The following NAA25 variants were observed in gnomAD, a reference collection of about 807,000 sequenced individuals.
NAA25 encodes N-terminal acetyltransferase B complex subunit NAA25.
In NAA25, 30 loss-of-function variants were observed where a neutral mutation model predicts 132.5. The observed-to-expected ratio is 0.23, with a 90% CI of 0.17 to 0.31. NAA25 has a LOEUF of 0.31. NAA25 is among the 10% of genes least tolerant of loss of function. The pLI is 1.00. For missense variants in NAA25, 771 were observed against 1,150.4 expected, an observed-to-expected ratio of 0.67 and a Z score of 4.77; for synonymous variants, 359 against 401.9, an observed-to-expected ratio of 0.89 and a Z score of 1.28.
intron 15 of NAA25, among the ~76,000 whole-genome samples, chr12:112,050,701 G>C (rs2078452656): frequency 6.6e-6 from 1 of 151,974 alleles, no homozygotes; most frequent in Admixed American, 6.5e-5. Flanking sequence ...GTATAAAATA[G>C]AGATTTTAAA....
chr12:112,046,917 C>G (rs1048868491), intron 17 of NAA25, among the ~76,000 whole-genome samples: 1 of 152,118 alleles, frequency 6.6e-6, no homozygotes, highest in African/African-American at 2.4e-5. Context: ...GAAGTTAAAT[C>G]CTTTATGTTT....
At chr12:112,044,058 G>T (rs2078339528) in intron 17 of NAA25, among the ~76,000 whole-genome samples, 190 bp from the exon 18 acceptor site, 1 of 151,500 alleles carries the variant, frequency 6.6e-6, no homozygotes, top group Non-Finnish European at 1.5e-5. Flanking sequence ...CTCCCAAGTA[G>T]CTGGGCCTAC....
intron 11 of NAA25, among the ~76,000 whole-genome samples, chr12:112,063,159 G>C (rs2078662948): frequency 6.6e-6 from 1 of 151,878 alleles, no homozygotes; most frequent in Admixed American, 6.6e-5. Context: ...TGGTTAAGTA[G>C]TAACTTACGT....
Position 112,079,513 on chromosome 12 carries a change from T to C in NAA25, c.478-772A>G, listed in dbSNP as rs572675331. ...GGGAGGCTGAGACATGAGAATCGCT[T>C]GAACCTAGGAGGTGCAGTAAGCTGA... On this transcript the variant is annotated intron_variant, in intron 5 of 23. Transcript: ENST00000261745. Among the ~76,000 whole-genome samples the C allele has an allele frequency of 3.9e-5, 6 of 151,994 alleles. No homozygotes were observed. In the South Asian group the frequency reaches 1.2e-3, roughly 32 times the overall value.
intron 4 of NAA25, among the ~76,000 whole-genome samples, chr12:112,086,007 A>G (rs1410520195): frequency 1.0e-5 from 1 of 96,272 alleles, no homozygotes; most frequent in African/African-American, 4.3e-5. Flanking sequence ...ACAGAGTGAG[A>G]CTGTCTCAAA....
intron 1 of NAA25, among the ~76,000 whole-genome samples, chr12:112,094,240 CAAAAAAAAAAAA>C (rs199734463): frequency 4.8e-4 from 33 of 69,296 alleles, no homozygotes; most frequent in African/African-American, 1.6e-3. Flanking sequence ...GACTCTGTCT[CAAAAAAAAAAAA>C]AAAAAAAAAA....
chr12:112,033,435 A>G (rs2078177659), intron 22 of NAA25, 56 bp from the exon 23 acceptor site: 1 of 1,473,186 alleles, frequency 6.8e-7, no homozygotes, highest in East Asian at 2.4e-5. Flanking sequence ...ACCCATATCT[A>G]CATCACAAAA....
chr12:112,090,935 C>T (rs902534444), intron 2 of NAA25, 71 bp from the exon 3 acceptor site: 6 of 1,440,850 alleles, frequency 4.2e-6, no homozygotes, highest in Non-Finnish European at 4.8e-6. Context: ...GAAAGCCGAT[C>T]TGAAAGAACA....
chr12:112,054,634 A>T, intron 13 of NAA25, 66 bp from the exon 14 acceptor site: 1 of 1,455,796 alleles, frequency 6.9e-7, no homozygotes. Flanking sequence ...AAAAACAAAA[A>T]ACAAAACCTT....
chr12:112,093,338 G>A (rs761369209), intron 1 of NAA25, among the ~76,000 whole-genome samples: 1 of 151,844 alleles, frequency 6.6e-6, no homozygotes, highest in Non-Finnish European at 1.5e-5. Context: ...CCAGGAGTTC[G>A]AGACCAGCCT....
chr12:112,029,623 C>T lies in NAA25; in HGVS notation c.2827G>A (p.Gly943Arg). The change falls in exon 24 of 24, where the codon GGG (glycine) becomes AGG (arginine). Residue 943 changes from glycine (G) to arginine (R), a missense_variant. Gly to Arg is a moderately radical substitution (Grantham distance 125, BLOSUM62 -2). Around this residue, in one of 3 missense-constraint regions of NAA25, gnomAD observed 324 missense variants for 400.0 expected, o/e 0.81. Transcript: ENST00000261745. Reference protein sequence around the residue: ...EERKFSKTVQGKVQSSYLHSL... With the variant: ...EERKFSKTVQRKVQSSYLHSL... ...TGCAGATAACTGCTCTGCACCTTCC[C>T]TTGCACAGTCTTTGAAAATTTTCTC... 1 of 1,613,686 alleles carries T rather than the reference C, an allele frequency of 6.2e-7. No individual in the cohort carries two copies.
chr12:112,040,858 C>T (rs891749062), intron 20 of NAA25, among the ~76,000 whole-genome samples: 2 of 152,186 alleles, frequency 1.3e-5, no homozygotes, highest in African/African-American at 4.8e-5. Context: ...GATAGGCCAT[C>T]AGCACAATAA....
chr12:112,043,587 T>C (rs1175459173), intron 18 of NAA25, 38 bp downstream of exon 18: 1 of 1,605,858 alleles, frequency 6.2e-7, no homozygotes, highest in African/African-American at 1.3e-5. Context: ...ATAAATATAA[T>C]TATTGCAACT....
At chr12:112,079,170 A>G (rs2078935512) in intron 5 of NAA25, among the ~76,000 whole-genome samples, 1 of 152,192 alleles carries the variant, frequency 6.6e-6, no homozygotes, top group South Asian at 2.1e-4. Flanking sequence ...AGTTACCTTA[A>G]ATTGGTAACA....
At chr12:112,095,098 A>G (rs1389678492) in intron 1 of NAA25, among the ~76,000 whole-genome samples, 2 of 152,132 alleles carry the variant, frequency 1.3e-5, no homozygotes, top group African/African-American at 4.8e-5. Context: ...GGCCAGAAGT[A>G]CAAGACCAGC....
rs549465601 is a variant in NAA25 at position 112,090,750 on chromosome 12, T to C, written c.259A>G (p.Ile87Val). The C allele has an allele frequency of 1.5e-5, 24 of 1,613,784 alleles. No homozygotes were observed. The highest frequency in any genetic ancestry group is 1.3e-4 in the East Asian group (6 of 44,860). Residue 87 changes from isoleucine to valine, a missense_variant, in exon 3 of 24, where the codon ATC (isoleucine) becomes GTC (valine). Coordinates refer to ENST00000261745, the MANE Select transcript of NAA25 (RefSeq NM_024953.4). ...TDDNSLQALT[I>V]LYREMHRPEL... ...CGTCGGTGCATCTCCCGGTAAAGGA[T>C]AGTCAGTGCCTGCAGTGAGTTGTCA...
At chr12:112,078,568 T>C in intron 6 of NAA25, 66 bp downstream of exon 6, 1 of 1,364,968 alleles carries the variant, frequency 7.3e-7, no homozygotes, top group African/African-American at 1.4e-5. Flanking sequence ...GTTCATAGTA[T>C]TATAACATAA....
rs1342412310 is a variant in NAA25 at position 112,048,297 on chromosome 12, T to G, written c.1875A>C (p.Ala625=). 16 of 1,612,296 alleles carry G rather than the reference T, an allele frequency of 9.9e-6. No homozygotes were observed. The highest frequency in any genetic ancestry group is 1.4e-5 in the Non-Finnish European group (16 of 1,178,890). ...ERMLLDLLLE[A]NISTSLAESI... The stretch of plus-strand genomic sequence containing the variant: ...AGCTCTCATGCAATACTTACATATT[T>G]GCTTCAAGTAGAAGGTCTAACAGCA... The change falls in exon 16 of 24, where the codon GCA becomes GCC. Residue 625 remains alanine, a synonymous_variant. Coordinates refer to ENST00000261745, the MANE Select transcript of NAA25 (RefSeq NM_024953.4).
At chr12:112,054,930 C>T (rs1441876870) in intron 13 of NAA25, among the ~76,000 whole-genome samples, 1 of 152,106 alleles carries the variant, frequency 6.6e-6, no homozygotes, top group Non-Finnish European at 1.5e-5. Context: ...TCTATAAAAC[C>T]CCAGACAGAT....
Sources: gnomAD v4.1 joint callset for allele counts (sites outside exome capture counted in the v4.1 genomes callset) on GRCh38, gnomAD v4.1.1 for gene constraint, gnomAD v4.1.1 regional missense constraint, MANE v1.5 for transcripts, NCBI Gene and HGNC (gene_info 2026-07-23, HGNC 2026-07-21) for gene names.